Variants in PITPNB observed in about 807,000 individuals in gnomAD.
PITPNB encodes the protein phosphatidylinositol transfer protein beta isoform.
A neutral mutation model predicts 45.9 loss-of-function variants in PITPNB; 16 were observed. The ratio of observed to expected loss-of-function variants is 0.35; its 90% confidence interval spans 0.24 to 0.53. The LOEUF (loss-of-function observed/expected upper bound fraction) is 0.53, where lower values mean the gene tolerates loss of function less well. Among genes scored for constraint, PITPNB ranks in the 20% least tolerant of loss-of-function variants. The probability of loss-of-function intolerance (pLI) is 0.93; values close to 1 mark genes in which losing one functional copy is unlikely to be tolerated. For synonymous variants in PITPNB, 112 were observed against 108.9 expected, an observed-to-expected ratio of 1.03 and a Z score of -0.18; for missense variants, 188 against 330.5, an observed-to-expected ratio of 0.57 and a Z score of 3.34.
rs529526061 is a variant in PITPNB, at chr22:27,867,253, G to A, written c.534+6485C>T. 2.6e-5 allele frequency among the ~76,000 whole-genome samples: 4 copies of A among 152,156 alleles called. No homozygotes were observed. In the South Asian group the frequency reaches 8.3e-4, roughly 32 times the overall value. ...AGTGTGAACAACAGGAGATGGAGGAGGTGGGGGGAAGGAAGACAGGGGGAA... is the reference window on the plus strand; with the variant it reads ...AGTGTGAACAACAGGAGATGGAGGAAGTGGGGGGAAGGAAGACAGGGGGAA... On this transcript the variant is annotated intron_variant, in intron 8 of 11. Coordinates refer to ENST00000335272, the MANE Select transcript of PITPNB (RefSeq NM_012399.5).
chr22:27,885,190 G>A (rs1198184720), intron 7 of PITPNB, among the ~76,000 whole-genome samples: 1 of 54,008 alleles, frequency 1.9e-5, no homozygotes, highest in African/African-American at 7.1e-5. Flanking sequence ...TGATTAAAAA[G>A]AGCCAGATTC....
At chr22:27,881,146 T>C (rs996234190) in intron 7 of PITPNB, among the ~76,000 whole-genome samples, 1 of 152,254 alleles carries the variant, frequency 6.6e-6, no homozygotes, top group African/African-American at 2.4e-5. Flanking sequence ...CATTTATTTA[T>C]ATCTTCTTTG....
At chr22:27,909,448 A>C (rs1221304920) in intron 3 of PITPNB, among the ~76,000 whole-genome samples, 1 of 152,084 alleles carries the variant, frequency 6.6e-6, no homozygotes, top group Non-Finnish European at 1.5e-5. Context: ...AAACTTCAAC[A>C]AACCAAAGAG....
intron 8 of PITPNB, among the ~76,000 whole-genome samples, chr22:27,872,698 AT>A (rs1934704506): frequency 6.6e-6 from 1 of 152,170 alleles, no homozygotes; most frequent in African/African-American, 2.4e-5. Context: ...GACATCACTT[AT>A]CGATGACCTG....
chr22:27,914,254 G>C (rs372872647), intron 2 of PITPNB, 63 bp downstream of exon 2: 1 of 967,826 alleles, frequency 1.0e-6, no homozygotes, highest in African/African-American at 1.6e-5. Context: ...TGTGAGTTTA[G>C]AGTAACATAT....
intron 3 of PITPNB, among the ~76,000 whole-genome samples, chr22:27,906,457 T>C (rs1935764827): frequency 6.6e-6 from 1 of 152,146 alleles, no homozygotes; most frequent in Non-Finnish European, 1.5e-5. Flanking sequence ...AAATGGAAAA[T>C]AACTCTTCCA....
intron 2 of PITPNB, among the ~76,000 whole-genome samples, chr22:27,912,227 T>C (rs1029678654): frequency 2.0e-5 from 3 of 152,234 alleles, no homozygotes; most frequent in African/African-American, 7.2e-5. Flanking sequence ...CATGGAGATA[T>C]GATGCTATCT....
intron 3 of PITPNB, among the ~76,000 whole-genome samples, chr22:27,906,011 C>T (rs567320631): frequency 2.6e-5 from 4 of 152,196 alleles, no homozygotes; most frequent in Admixed American, 1.3e-4. Flanking sequence ...AAACAGGATA[C>T]AACAAGACAA....
chr22:27,919,028 G>A, intron 1 of PITPNB, 144 bp downstream of exon 1: 2 of 1,230,806 alleles, frequency 1.6e-6, no homozygotes, highest in Non-Finnish European at 2.4e-6. Flanking sequence ...GGGCTTCGAA[G>A]GGGCCGGGGG....
intron 8 of PITPNB, among the ~76,000 whole-genome samples, chr22:27,864,633 C>T (rs1934429627): frequency 6.6e-6 from 1 of 152,142 alleles, no homozygotes; most frequent in African/African-American, 2.4e-5. Flanking sequence ...ATTATGCATA[C>T]AGCCATTAAA....
chr22:27,896,541 T>C lies in PITPNB; in HGVS notation c.372+11A>G, dbSNP rs755472518. Reference sequence around the variant, plus strand: ...GGACTTTTGTACTAAAAGTGCAGAGTTGAAACTTACATTTTCTAATGTTCC... The same window carrying C: ...GGACTTTTGTACTAAAAGTGCAGAGCTGAAACTTACATTTTCTAATGTTCC... On this transcript the variant is annotated intron_variant, in intron 6 of 11. Coordinates refer to ENST00000335272, the MANE Select transcript of PITPNB (RefSeq NM_012399.5). The C allele has an allele frequency of 2.0e-5, 31 of 1,586,858 alleles. No homozygotes were observed. Among genetic ancestry groups the C allele is most frequent in the African/African-American group, 2.7e-5 (2 of 74,360 alleles).
chr22:27,871,931 G>A (rs1310168913), intron 8 of PITPNB, among the ~76,000 whole-genome samples: 2 of 151,742 alleles, frequency 1.3e-5, no homozygotes, highest in African/African-American at 2.4e-5. Context: ...AAAAGTGCAT[G>A]GCACACTTCC....
intron 3 of PITPNB, among the ~76,000 whole-genome samples, chr22:27,904,051 G>A (rs947534166): frequency 6.6e-6 from 1 of 151,996 alleles, no homozygotes; most frequent in Non-Finnish European, 1.5e-5. Context: ...TAGTTGTTTC[G>A]GGAAGCTGAT....
intron 7 of PITPNB, among the ~76,000 whole-genome samples, chr22:27,891,004 T>G (rs1163493897): frequency 6.6e-6 from 1 of 152,188 alleles, no homozygotes; most frequent in Non-Finnish European, 1.5e-5. Flanking sequence ...ATTCTATTTA[T>G]ATGAAATATC....
chr22:27,886,764 T>C (rs1222412073), intron 7 of PITPNB, among the ~76,000 whole-genome samples: 1 of 152,250 alleles, frequency 6.6e-6, no homozygotes, highest in Non-Finnish European at 1.5e-5. Context: ...CTTGGTTTCT[T>C]GCACTCCCAA....
chr22:27,918,875 G>C, intron 1 of PITPNB, among the ~76,000 whole-genome samples: 1 of 152,144 alleles, frequency 6.6e-6, no homozygotes, highest in Admixed American at 6.5e-5. Flanking sequence ...GGGTTGGGGA[G>C]AAGGCGGGTC....
intron 7 of PITPNB, chr22:27,894,283 A>C (rs1935372959): frequency 1.1e-5 from 3 of 279,802 alleles, no homozygotes; most frequent in East Asian, 5.9e-5. Context: ...CAATGAAAAC[A>C]ACCTACATTT....
intron 7 of PITPNB, among the ~76,000 whole-genome samples, chr22:27,889,882 C>T (rs528580008): frequency 6.6e-6 from 1 of 152,278 alleles, no homozygotes; most frequent in African/African-American, 2.4e-5. Context: ...ATTCGAGTGA[C>T]AAAATTACCT....
rs535157632 is a variant in PITPNB at position 27,874,988 on chromosome 22, AAAC to A, written c.457-1176_457-1174del. ...GTATAATACGAACTTTCCACAAATC[AAAC>A]AACAACAACAACAACAAAACACGTT... On this transcript the variant is annotated intron_variant, in intron 7 of 11. Transcript: ENST00000335272. Among the ~76,000 whole-genome samples, 74 of 152,288 alleles carry A rather than the reference AAAC, an allele frequency of 4.9e-4. 1 individual carries two copies. The South Asian group carries it at 0.013, about 26-fold the overall frequency.
Sources: gnomAD v4.1 joint callset for allele counts (sites outside exome capture counted in the v4.1 genomes callset) on GRCh38, gnomAD v4.1.1 for gene constraint, MANE v1.5 for transcripts, NCBI Gene and HGNC (gene_info 2026-07-23, HGNC 2026-07-21) for gene names.